VPS13B: variants seen among roughly 807,000 people sequenced by gnomAD.
VPS13B encodes intermembrane lipid transfer protein VPS13B.
In VPS13B, 285 loss-of-function variants were observed where a neutral mutation model predicts 426.4. That is an observed-to-expected ratio of 0.67 (90% CI 0.61 to 0.74). VPS13B has a LOEUF of 0.74. Among genes scored for constraint, VPS13B ranks in the 30% least tolerant of loss-of-function variants. VPS13B has a pLI of 0.00. For missense variants in VPS13B, 4,537 were observed against 4,782.6 expected, an observed-to-expected ratio of 0.95 and a Z score of 1.51; for synonymous variants, 1,676 against 1,676.4, an observed-to-expected ratio of 1.00 and a Z score of 0.01.
intron 19 of VPS13B, among the ~76,000 whole-genome samples, chr8:99,314,674 C>A (rs1012753705): frequency 5.3e-5 from 8 of 151,908 alleles, no homozygotes; most frequent in Admixed American, 2.6e-4. Context: ...TGGTGTGAAA[C>A]TCCTGGCCTC....
At chr8:99,723,201 A>G (rs1833201170) in intron 39 of VPS13B, among the ~76,000 whole-genome samples, 1 of 152,248 alleles carries the variant, frequency 6.6e-6, no homozygotes. Context: ...TATTCCAACA[A>G]CAAAATGAGG....
chr8:99,402,322 G>A (rs1016767310), intron 21 of VPS13B, among the ~76,000 whole-genome samples: 19 of 152,120 alleles, frequency 1.2e-4, no homozygotes, highest in East Asian at 3.9e-4. Context: ...TGTGTATGCC[G>A]CACTTGCACT....
chr8:99,465,233 T>A (rs1204190976), intron 23 of VPS13B, among the ~76,000 whole-genome samples: 1 of 152,134 alleles, frequency 6.6e-6, no homozygotes, highest in Non-Finnish European at 1.5e-5. Context: ...TTCTGGTGTG[T>A]GTGTGTGAAA....
chr8:99,716,181 T>G (rs930096723), intron 36 of VPS13B, among the ~76,000 whole-genome samples: 1 of 152,150 alleles, frequency 6.6e-6, no homozygotes, highest in African/African-American at 2.4e-5. Context: ...GGATTAGAGG[T>G]TGAATATCTT....
Position 99,442,580 on chromosome 8 carries a change from T to C in VPS13B, c.3390T>C (p.Tyr1130=). Residue 1130 remains tyrosine, a synonymous_variant, in exon 23 of 62, where the codon TAT becomes TAC. Transcript: ENST00000357162. ...QIKIISAGHK[Y]MEPLQEIPFV... ...AGATTATTAGTGCTGGGCACAAGTATATGGAACCTCTGCAGGAGATTCCAT... is the reference window on the plus strand; with the variant it reads ...AGATTATTAGTGCTGGGCACAAGTACATGGAACCTCTGCAGGAGATTCCAT... 4 of 1,614,012 alleles carry C rather than the reference T, an allele frequency of 2.5e-6. No homozygotes were observed. Among genetic ancestry groups the C allele is most frequent in the African/African-American group, 1.3e-5 (1 of 75,056 alleles).
intron 39 of VPS13B, among the ~76,000 whole-genome samples, chr8:99,727,031 A>G (rs1833380129): frequency 6.6e-6 from 1 of 152,218 alleles, no homozygotes; most frequent in African/African-American, 2.4e-5. Context: ...ATAATAACTC[A>G]TTAAATTTAA....
chr8:99,574,593 T>G (rs183359970), intron 31 of VPS13B, among the ~76,000 whole-genome samples: 1 of 152,326 alleles, frequency 6.6e-6, no homozygotes, highest in East Asian at 1.9e-4. Context: ...GTTTATATGC[T>G]GGATTGTGAA....
chr8:99,522,673 T>G, intron 30 of VPS13B, among the ~76,000 whole-genome samples: 1 of 152,170 alleles, frequency 6.6e-6, no homozygotes, highest in East Asian at 1.9e-4. Flanking sequence ...GGTGACCCTG[T>G]AGACCAAGGT....
At chr8:99,632,554 A>T (rs963155059) in intron 33 of VPS13B, among the ~76,000 whole-genome samples, 1 of 151,994 alleles carries the variant, frequency 6.6e-6, no homozygotes, top group Admixed American at 6.6e-5. Flanking sequence ...TGAATTTCCA[A>T]GGATTGAAGG....
intron 31 of VPS13B, among the ~76,000 whole-genome samples, chr8:99,560,002 TGGC>T (rs1485128592): frequency 6.6e-6 from 1 of 152,150 alleles, no homozygotes; most frequent in African/African-American, 2.4e-5. Flanking sequence ...TTGGGCAGTA[TGGC>T]CATTTTCATG....
chr8:99,432,745 C>A (rs1817179783), intron 22 of VPS13B, among the ~76,000 whole-genome samples: 1 of 152,054 alleles, frequency 6.6e-6, no homozygotes, highest in South Asian at 2.1e-4. Context: ...TATTTCTTAG[C>A]AATGTAATAT....
intron 2 of VPS13B, among the ~76,000 whole-genome samples, chr8:99,024,303 C>T (rs1842037462): frequency 3.9e-5 from 6 of 152,192 alleles, no homozygotes; most frequent in African/African-American, 1.4e-4. Flanking sequence ...CACATGTGTG[C>T]TATTGAGTTG....
At chr8:99,121,952 A>G (rs1000637332) in intron 8 of VPS13B, among the ~76,000 whole-genome samples, 18 of 150,474 alleles carry the variant, frequency 1.2e-4, no homozygotes, top group African/African-American at 4.4e-4. Flanking sequence ...CCCGGGCTCA[A>G]GACATCCTCT....
At position 99,854,176 on chromosome 8, in the gene VPS13B, G is replaced by A. The variant is rs1256634962; in HGVS notation, c.10787G>A (p.Arg3596Lys). The A allele has an allele frequency of 2.5e-6, 4 of 1,613,966 alleles. No individual in the cohort carries two copies. Among genetic ancestry groups the A allele is most frequent in the Non-Finnish European group, 3.4e-6 (4 of 1,180,024 alleles). The change falls in exon 56 of 62, where the codon AGA (arginine) becomes AAA (lysine). Residue 3596 changes from arginine (R) to lysine (K), a missense_variant. This residue lies in a region of VPS13B where 4,311 missense variants were observed against 4,474.3 expected (regional missense o/e 0.96). Transcript: ENST00000357162. ...CCTCTCTCCTTCTCGGTGTTTGAAA[G>A]AGGACCCATCTTCACCACTGCGAGG... Reference protein sequence around the residue: ...HTPLSFSVFERGPIFTTARQL... With the variant: ...HTPLSFSVFEKGPIFTTARQL...
At chr8:99,448,671 C>T (rs1176721015) in intron 23 of VPS13B, among the ~76,000 whole-genome samples, 1 of 152,132 alleles carries the variant, frequency 6.6e-6, no homozygotes, top group Non-Finnish European at 1.5e-5. Flanking sequence ...AGTATTGGGA[C>T]TGATGGCATG....
intron 28 of VPS13B, 35 bp from the exon 29 acceptor site, chr8:99,511,069 G>A (rs761218258): frequency 5.0e-6 from 8 of 1,606,978 alleles, no homozygotes; most frequent in Middle Eastern, 1.6e-4. Flanking sequence ...TCTTTTTAAT[G>A]AACTGTGTAT....
intron 43 of VPS13B, chr8:99,797,099 T>C (rs1246057045): frequency 6.6e-6 from 1 of 152,060 alleles, no homozygotes; most frequent in East Asian, 1.9e-4. Context: ...AAGATGGACA[T>C]GAATATGGTT....
chr8:99,210,489 T>G (rs1033656603), intron 17 of VPS13B, among the ~76,000 whole-genome samples: 1 of 152,104 alleles, frequency 6.6e-6, no homozygotes, highest in Non-Finnish European at 1.5e-5. Context: ...GTGAATACAT[T>G]TATAGTCTCA....
At chr8:99,624,808 CTT>C (rs35211688) in intron 33 of VPS13B, among the ~76,000 whole-genome samples, 19,238 of 136,822 alleles carry the variant, frequency 0.14, 1,762 homozygotes, top group East Asian at 0.41. Context: ...CCTTATTTTG[CTT>C]TTTTTTTTTT....
Sources: gnomAD v4.1 joint callset for allele counts (sites outside exome capture counted in the v4.1 genomes callset) on GRCh38, gnomAD v4.1.1 for gene constraint, gnomAD v4.1.1 regional missense constraint, MANE v1.5 for transcripts, NCBI Gene and HGNC (gene_info 2026-07-23, HGNC 2026-07-21) for gene names.